USP42: variants seen among roughly 807,000 people sequenced by gnomAD.
USP42 encodes ubiquitin specific peptidase 42, also known as ubiquitin carboxyl-terminal hydrolase 42.
Under a neutral mutation model 113.0 loss-of-function variants are expected in USP42, and 23 were observed. The observed-to-expected ratio is 0.20, with a 90% confidence interval of 0.15 to 0.29. The LOEUF (loss-of-function observed/expected upper bound fraction) is 0.29, where lower values mean the gene tolerates loss of function less well. Ranked by LOEUF, USP42 falls within the 10% of genes least tolerant of loss-of-function variation. The pLI, the probability that USP42 is intolerant of heterozygous loss-of-function variation, is 1.00. For synonymous variants in USP42, 933 were observed against 699.0 expected, an observed-to-expected ratio of 1.33 and a Z score of -5.28; for missense variants, 2,174 against 1,779.8, an observed-to-expected ratio of 1.22 and a Z score of -3.99.
chr7:6,086,599 C>G, the USP42 span, among the ~76,000 whole-genome samples: 1 of 150,708 alleles, frequency 6.6e-6, no homozygotes, highest in South Asian at 2.1e-4. Flanking sequence ...ATCCACCCCC[C>G]TCAACCTCCC....
upstream of USP42, among the ~76,000 whole-genome samples, chr7:6,102,330 TC>T (rs1790152148): frequency 6.7e-6 from 1 of 150,208 alleles, no homozygotes; most frequent in South Asian, 2.1e-4. Context: ...GCCAGGCTGG[TC>T]TCGAACTCCT....
At chr7:6,122,267 T>A (rs375921996) in intron 3 of USP42, among the ~76,000 whole-genome samples, 3 of 151,270 alleles carry the variant, frequency 2.0e-5, no homozygotes, top group African/African-American at 7.3e-5. Context: ...TATGTTGATA[T>A]GTCATGTGTC....
intron 4 of USP42, among the ~76,000 whole-genome samples, chr7:6,138,701 G>A (rs1781288246): frequency 6.6e-6 from 1 of 152,194 alleles, no homozygotes; most frequent in South Asian, 2.1e-4. Flanking sequence ...TCCGCCTCCT[G>A]TCAGATCAAT....
intron 3 of USP42, among the ~76,000 whole-genome samples, chr7:6,118,272 T>C (rs748800904): frequency 6.6e-6 from 1 of 151,968 alleles, no homozygotes; most frequent in Non-Finnish European, 1.5e-5. Context: ...TGGTGGTTCA[T>C]GTGTTTTGGG....
chr7:6,148,806 C>T (rs1781866417), intron 12 of USP42, among the ~76,000 whole-genome samples: 1 of 152,192 alleles, frequency 6.6e-6, no homozygotes, highest in Non-Finnish European at 1.5e-5. Flanking sequence ...ATAACAGAGT[C>T]ACACATCAAA....
the USP42 span, among the ~76,000 whole-genome samples, chr7:6,095,192 C>T: frequency 6.6e-6 from 1 of 151,116 alleles, no homozygotes; most frequent in African/African-American, 2.5e-5. Context: ...GGGAATTGAC[C>T]ACTGTGGGCT....
At chr7:6,137,822 A>T (rs1781228716) in intron 4 of USP42, among the ~76,000 whole-genome samples, 1 of 151,996 alleles carries the variant, frequency 6.6e-6, no homozygotes, top group African/African-American at 2.4e-5. Flanking sequence ...CTGGGACTAC[A>T]GGTGCTTGCC....
intron 3 of USP42, among the ~76,000 whole-genome samples, chr7:6,123,022 G>C (rs1171481621): frequency 6.6e-6 from 1 of 150,744 alleles, no homozygotes; most frequent in African/African-American, 2.4e-5. Context: ...ATGGGGTTTC[G>C]CCCGTGTTGG....
intron 1 of USP42, among the ~76,000 whole-genome samples, chr7:6,107,623 G>C (rs1779364841): frequency 6.6e-6 from 1 of 151,886 alleles, no homozygotes; most frequent in South Asian, 2.1e-4. Context: ...TGGTCAGGCT[G>C]GTCTTGAACT....
chr7:6,103,577 G>C (rs982629641), upstream of USP42, among the ~76,000 whole-genome samples: 38 of 150,218 alleles, frequency 2.5e-4, 2 homozygotes, highest in African/African-American at 9.3e-4. Flanking sequence ...CTGATGGACA[G>C]TGGCGCACCG....
At chr7:6,087,823 G>T in the USP42 span, among the ~76,000 whole-genome samples, 1 of 151,112 alleles carries the variant, frequency 6.6e-6, no homozygotes, top group Non-Finnish European at 1.5e-5. Context: ...GTCCCCAGAG[G>T]AACATATGTT....
At chr7:6,113,096 G>A (rs1434789496) in intron 2 of USP42, among the ~76,000 whole-genome samples, 1 of 151,650 alleles carries the variant, frequency 6.6e-6, no homozygotes, top group Non-Finnish European at 1.5e-5. Flanking sequence ...GTAGAGACGG[G>A]GTTTCACCAT....
At chr7:6,118,219 A>G (rs1780021775) in intron 3 of USP42, among the ~76,000 whole-genome samples, 1 of 151,396 alleles carries the variant, frequency 6.6e-6, no homozygotes, top group African/African-American at 2.4e-5. Context: ...CGTAGGGAGA[A>G]CTCATCTCTA....
intron 1 of USP42, among the ~76,000 whole-genome samples, chr7:6,109,863 G>C (rs1172518853): frequency 1.3e-5 from 2 of 151,866 alleles, no homozygotes; most frequent in African/African-American, 4.8e-5. Context: ...ACCACGCCCG[G>C]CTAATTTTTG....
the USP42 span, among the ~76,000 whole-genome samples, chr7:6,092,035 C>CTTCTTCTTCTTCT: frequency 9.8e-4 from 96 of 98,260 alleles, no homozygotes; most frequent in African/African-American, 3.7e-3. Flanking sequence ...TCTTCTTCTT[C>CTTCTTCTTCTTCT]TTCTTCTTCT....
At chr7:6,145,396 T>A (rs1781661960) in intron 9 of USP42, 120 bp from the exon 10 acceptor site, 3 of 1,176,658 alleles carry the variant, frequency 2.5e-6, no homozygotes, top group Non-Finnish European at 3.6e-6. Context: ...TGCTAGAATA[T>A]CACAGGGCTC....
chr7:6,152,871 T>C, intron 14 of USP42: 1 of 931,720 alleles, frequency 1.1e-6, no homozygotes, highest in Non-Finnish European at 1.3e-6. Context: ...GTGGCCCCTC[T>C]ACCTTTGAGG....
chr7:6,111,041 A>G, intron 1 of USP42, 84 bp from the exon 2 acceptor site: 1 of 1,388,096 alleles, frequency 7.2e-7, no homozygotes. Context: ...AATGGCTGGA[A>G]TGATCTTCCA....
chr7:6,100,396 C>A (rs1232483335), upstream of USP42, among the ~76,000 whole-genome samples: 1 of 150,744 alleles, frequency 6.6e-6, no homozygotes, highest in Admixed American at 6.6e-5. Context: ...ATGGTATGGC[C>A]TCAGCTCATT....
Sources: gnomAD v4.1 joint callset for allele counts (sites outside exome capture counted in the v4.1 genomes callset) on GRCh38, gnomAD v4.1.1 for gene constraint, MANE v1.5 for transcripts, NCBI Gene and HGNC (gene_info 2026-07-23, HGNC 2026-07-21) for gene names.